CHD2: variants seen among roughly 807,000 people sequenced by gnomAD.
CHD2 encodes ATP-dependent chromatin remodeler CHD2.
A neutral mutation model predicts 243.9 loss-of-function variants in CHD2; 28 were observed. The ratio of observed to expected loss-of-function variants is 0.11; its 90% CI spans 0.09 to 0.16. The LOEUF (loss-of-function observed/expected upper bound fraction) is 0.16. Among genes scored for constraint, CHD2 ranks in the 10% least tolerant of loss-of-function variants. The pLI is 1.00. For synonymous variants in CHD2, 775 were observed against 779.0 expected, an observed-to-expected ratio of 0.99 and a Z score of 0.09; for missense variants, 1,386 against 2,209.8, an observed-to-expected ratio of 0.63 and a Z score of 7.47.
At chr15:92,910,164 A>T (rs1303545120) in intron 2 of CHD2, among the ~76,000 whole-genome samples, 1 of 151,860 alleles carries the variant, frequency 6.6e-6, no homozygotes, top group Non-Finnish European at 1.5e-5. Context: ...ATGCCACTGC[A>T]CTTGGCTAAT....
At chr15:92,963,212 T>C (rs576162427) in intron 16 of CHD2, among the ~76,000 whole-genome samples, 46 of 152,358 alleles carry the variant, frequency 3.0e-4, no homozygotes, top group Middle Eastern at 3.4e-3. Flanking sequence ...TTCTGCTATT[T>C]TACTATTTGT....
At chr15:93,022,931 G>C (rs777015343) in intron 38 of CHD2, among the ~76,000 whole-genome samples, 2 of 152,146 alleles carry the variant, frequency 1.3e-5, no homozygotes, top group African/African-American at 2.4e-5. Context: ...TGTCCCTTTT[G>C]GCTGTTTCAG....
intron 37 of CHD2, among the ~76,000 whole-genome samples, chr15:93,016,832 G>T: frequency 6.8e-6 from 1 of 147,328 alleles, no homozygotes. Context: ...AATCCAGATT[G>T]AATTAAAATT....
chr15:92,932,906 C>G (rs2033353162), intron 5 of CHD2, among the ~76,000 whole-genome samples: 1 of 152,022 alleles, frequency 6.6e-6, no homozygotes, highest in South Asian at 2.1e-4. Context: ...CTGTGCCCAG[C>G]TGATTTTTGT....
At chr15:92,980,581 A>G (rs2053967022) in intron 22 of CHD2, among the ~76,000 whole-genome samples, 1 of 152,196 alleles carries the variant, frequency 6.6e-6, no homozygotes, top group Non-Finnish European at 1.5e-5. Context: ...TGGCTTACCC[A>G]TGCAATAGGT....
chr15:92,944,274 C>T (rs537707995), intron 9 of CHD2, 141 bp from the exon 10 acceptor site: 76 of 489,852 alleles, frequency 1.6e-4, no homozygotes, highest in Admixed American at 2.6e-4. Flanking sequence ...AAATCTCTGG[C>T]GTAATTACTA....
chr15:92,921,886 T>G (rs1313417828), intron 2 of CHD2, among the ~76,000 whole-genome samples: 1 of 152,234 alleles, frequency 6.6e-6, no homozygotes, highest in African/African-American at 2.4e-5. Flanking sequence ...TTTTAAGTGT[T>G]CCTATCACTA....
In CHD2 at chr15:92,983,450, C is replaced by G. The variant is rs2054004312; in HGVS notation, c.3067-880C>G. Among the ~76,000 whole-genome samples, 4 of 152,298 alleles carry G rather than the reference C, an allele frequency of 2.6e-5. No homozygotes were observed. In the South Asian group the frequency reaches 8.3e-4, roughly 32 times the overall value. On this transcript the variant is annotated intron_variant, in intron 24 of 38. Coordinates refer to ENST00000394196, the MANE Select transcript of CHD2 (RefSeq NM_001271.4). ...TAGCCAAAAGTCATAAAGTAAGAGT[C>G]TTAACTTGACTTCACTGTTGGCTCC...
At chr15:92,959,788 G>A (rs931135247) in intron 16 of CHD2, among the ~76,000 whole-genome samples, 1 of 152,138 alleles carries the variant, frequency 6.6e-6, no homozygotes, top group African/African-American at 2.4e-5. Context: ...CACTGCACCC[G>A]GCCTAGACTG....
At chr15:92,988,061 A>G (rs1260323655) in intron 26 of CHD2, among the ~76,000 whole-genome samples, 1 of 151,356 alleles carries the variant, frequency 6.6e-6, no homozygotes, top group Non-Finnish European at 1.5e-5. Flanking sequence ...TATAATTCAT[A>G]CTTTATATAG....
rs376197777 is a variant in CHD2 at position 92,931,684 on chromosome 15, T to C, written c.443+2593T>C. ...AGCCACTGCACCCAGCCTGTGTATA[T>C]TTATATATATACAAACATAATGTTT... is the stretch of plus-strand genomic sequence containing the variant. On this transcript the variant is annotated intron_variant, in intron 5 of 38. Transcript: ENST00000394196. Among the ~76,000 whole-genome samples, 14 of 152,280 alleles carry C rather than the reference T, an allele frequency of 9.2e-5. No individual in the cohort carries two copies. In the East Asian group the frequency reaches 2.5e-3, roughly 27 times the overall value.
Position 92,900,544 on chromosome 15 carries a change from G to C in CHD2, c.-352G>C, listed in dbSNP as rs2052514751. ...CTTTCTTTTCGTGCCTTGTTGGAAA[G>C]AAGCAGCCGTACTGAGAGCCCAGGT... On this transcript the variant is annotated 5_prime_UTR_variant, in exon 1 of 39. Coordinates refer to ENST00000394196, the MANE Select transcript of CHD2 (RefSeq NM_001271.4). 1 of 398,546 alleles carries C rather than the reference G, an allele frequency of 2.5e-6. No homozygotes were observed. Among genetic ancestry groups the C allele is most frequent in the Non-Finnish European group, 4.4e-6 (1 of 226,054 alleles). 24.7% of individuals were successfully genotyped at this position (398,546 alleles called of 1,614,324 possible). A position where few individuals can be genotyped will look rare whatever the true frequency, so the allele number is the denominator to read the frequency against.
At chr15:92,908,598 C>T (rs2052666662) in intron 2 of CHD2, among the ~76,000 whole-genome samples, 1 of 152,128 alleles carries the variant, frequency 6.6e-6, no homozygotes, top group African/African-American at 2.4e-5. Context: ...TGCAGTATCT[C>T]CGTGTGTTTT....
intron 28 of CHD2, among the ~76,000 whole-genome samples, chr15:92,995,494 G>A (rs112856633): frequency 3.9e-5 from 2 of 51,180 alleles, no homozygotes; most frequent in African/African-American, 8.5e-5. Flanking sequence ...GTGTGTGCGT[G>A]TGTATTTTCC....
chr15:92,901,393 CTGTT>C (rs944065929), intron 2 of CHD2, 94 bp downstream of exon 2: 3 of 770,814 alleles, frequency 3.9e-6, no homozygotes, highest in Non-Finnish European at 6.6e-6. Context: ...GGATTGCTGT[CTGTT>C]TTATTGTGTT....
rs2033847 is a variant in CHD2 at position 93,002,601 on chromosome 15, G to T, written c.4278+284G>T. Among the ~76,000 whole-genome samples the T allele has an allele frequency of 0.77, 117,298 of 152,092 alleles. 46,549 individuals are homozygous for T. Among genetic ancestry groups the T allele is most frequent in the East Asian group, 1 (5,164 of 5,176 alleles). ...TGAGATAGGACAGGTGAGAGAAATCGGCATTTACATGTAAATACGAAATAC... is the reference window on the plus strand; with the variant it reads ...TGAGATAGGACAGGTGAGAGAAATCTGCATTTACATGTAAATACGAAATAC... On this transcript the variant is annotated intron_variant, in intron 33 of 38. Transcript: ENST00000394196.
intron 12 of CHD2, chr15:92,946,467 A>G: frequency 3.3e-6 from 1 of 307,364 alleles, no homozygotes. Flanking sequence ...GAAAGGATTT[A>G]GGCACTTTTA....
intron 31 of CHD2, among the ~76,000 whole-genome samples, chr15:92,999,083 C>CAAAAAAAAAAAAAAAAAAAAA (rs55738843): frequency 3.1e-5 from 2 of 65,528 alleles, no homozygotes; most frequent in Admixed American, 2.1e-4. Context: ...GACTCCGTCT[C>CAAAAAAAAAAAAAAAAAAAAA]AAAAAAAAAA....
intron 22 of CHD2, among the ~76,000 whole-genome samples, chr15:92,980,163 G>A (rs1248327383): frequency 6.6e-5 from 10 of 150,758 alleles, no homozygotes; most frequent in Non-Finnish European, 1.3e-4. Context: ...TTGTGCCTCA[G>A]CCTCCCGAGT....
Sources: gnomAD v4.1 joint callset for allele counts (sites outside exome capture counted in the v4.1 genomes callset) on GRCh38, gnomAD v4.1.1 for gene constraint, MANE v1.5 for transcripts, NCBI Gene and HGNC (gene_info 2026-07-23, HGNC 2026-07-21) for gene names.